Variants in SLC5A11 observed in about 807,000 individuals in gnomAD.
SLC5A11 encodes solute carrier family 5 member 11.
A neutral mutation model predicts 69.8 loss-of-function variants in SLC5A11; 48 were observed. The observed-to-expected ratio is 0.69, with a 90% confidence interval of 0.55 to 0.87. The LOEUF (loss-of-function observed/expected upper bound fraction) is 0.87, where lower values mean the gene tolerates loss of function less well. Among genes scored for constraint, SLC5A11 ranks in the 40% least tolerant of loss-of-function variants. SLC5A11 has a pLI of 0.00. For missense variants in SLC5A11, 784 were observed against 866.1 expected (o/e 0.91, Z 1.19); for synonymous variants, 319 against 342.4 (o/e 0.93, Z 0.75).
intron 1 of SLC5A11, among the ~76,000 whole-genome samples, chr16:24,849,621 T>TATATATCTGC (rs1460290781): frequency 1.6e-5 from 2 of 123,702 alleles, no homozygotes; most frequent in African/African-American, 6.2e-5. Flanking sequence ...TATATATATA[T>TATATATCTGC]ATCCATGAGA....
In SLC5A11 at chr16:24,890,483, CAAAAAAAAAAAAAAAAAA is replaced by C. The variant is rs1171814653; in HGVS notation, c.665-371_665-354del. ...TTGGTGACAGAGCAAGACTTCATAT[CAAAAAAAAAAAAAAAAAA>C]AAAAAAAAAAAAAAGAAGGAAGGAA... On this transcript the variant is annotated intron_variant, in intron 8 of 15. Transcript: ENST00000347898. Among the ~76,000 whole-genome samples, 6 of 77,530 alleles carry C rather than the reference CAAAAAAAAAAAAAAAAAA, an allele frequency of 7.7e-5. No individual in the cohort carries two copies. In the Admixed American group the frequency reaches 8.6e-4, roughly 11 times the overall value. 50.9% of individuals were successfully genotyped at this position (77,530 alleles called of 152,430 possible).
rs2047178587 is a variant in SLC5A11, at chr16:24,870,109, G to A, written c.312+104G>A. On this transcript the variant is annotated intron_variant, in intron 4 of 15. Coordinates refer to ENST00000347898, the Ensembl canonical transcript of SLC5A11. ...CCCTGCACTTTAAAAATAGAATGGT[G>A]GGGCCAGGCGCGGTGGCTCACGCCT... 6.2e-6 allele frequency: 5 copies of A among 810,936 alleles called. No homozygotes were observed. In the Admixed American group the frequency reaches 6.6e-5, roughly 11 times the overall value. 50.2% of individuals were successfully genotyped at this position (810,936 alleles called of 1,614,324 possible).
chr16:24,901,530 G>A (rs1241120456), intron 10 of SLC5A11, among the ~76,000 whole-genome samples: 3 of 151,982 alleles, frequency 2.0e-5, no homozygotes, highest in Non-Finnish European at 2.9e-5. Flanking sequence ...TGGGAGGATC[G>A]CTTGAGCCTG....
Position 24,858,618 on chromosome 16 carries a change from A to AG in SLC5A11, c.-24dup, listed in dbSNP as rs1567574510. On this transcript the variant is annotated splice_acceptor_variant, in intron 1 of 15. Transcript: ENST00000347898. LOFTEE classifies it low-confidence loss of function (5UTR_SPLICE). ...ATTTGACTGGCATTTGCCCTTCCTC[A>AG]GGATCCAGAGGTCTCGTTCAGGACC... 1.9e-6 allele frequency: 3 copies of AG among 1,587,274 alleles called. No homozygotes were observed.
At chr16:24,852,407 T>C (rs899384131) in intron 1 of SLC5A11, among the ~76,000 whole-genome samples, 7 of 152,156 alleles carry the variant, frequency 4.6e-5, no homozygotes, top group Admixed American at 1.3e-4. Flanking sequence ...ATGAGAGAAG[T>C]CCCTGCTCCA....
intron 10 of SLC5A11, among the ~76,000 whole-genome samples, chr16:24,905,047 T>G (rs555356736): frequency 6.6e-6 from 1 of 152,174 alleles, no homozygotes; most frequent in South Asian, 2.1e-4. Context: ...GTGTTTGGTT[T>G]TCTGTTCCTG....
chr16:24,908,368 G>C (rs1279452549), intron 13 of SLC5A11, among the ~76,000 whole-genome samples: 1 of 152,088 alleles, frequency 6.6e-6, no homozygotes, highest in Non-Finnish European at 1.5e-5. Flanking sequence ...GGAGGCCGAG[G>C]TGGGTGGATC....
intron 2 of SLC5A11, among the ~76,000 whole-genome samples, chr16:24,861,303 G>T (rs2059760257): frequency 6.6e-6 from 1 of 151,864 alleles, no homozygotes; most frequent in Non-Finnish European, 1.5e-5. Context: ...AACATAGTAA[G>T]ATACCATCTC....
intron 10 of SLC5A11, among the ~76,000 whole-genome samples, chr16:24,899,663 A>C (rs888847782): frequency 2.0e-5 from 3 of 151,678 alleles, no homozygotes; most frequent in Middle Eastern, 3.2e-3. Context: ...TGGCCTCCCA[A>C]AGTGTTGGGA....
At chr16:24,890,158 G>C (rs564796115) in intron 8 of SLC5A11, among the ~76,000 whole-genome samples, 5 of 152,218 alleles carry the variant, frequency 3.3e-5, no homozygotes, top group African/African-American at 4.8e-5. Flanking sequence ...AAGGAAAAAG[G>C]AGATGGACAA....
chr16:24,857,337 A>G (rs980844908), intron 1 of SLC5A11, among the ~76,000 whole-genome samples: 1 of 152,236 alleles, frequency 6.6e-6, no homozygotes, highest in Non-Finnish European at 1.5e-5. Context: ...CAATGCCCTG[A>G]TCACTTGTGG....
At chr16:24,895,121 C>T (rs1458593640) in intron 9 of SLC5A11, among the ~76,000 whole-genome samples, 1 of 150,776 alleles carries the variant, frequency 6.6e-6, no homozygotes, top group African/African-American at 2.4e-5. Context: ...TGAGATCCTG[C>T]CTCAGAAAAA....
intron 5 of SLC5A11, among the ~76,000 whole-genome samples, chr16:24,873,251 A>AAGGG (rs1430247397): frequency 1.5e-5 from 1 of 66,136 alleles, no homozygotes; most frequent in East Asian, 3.1e-4. Context: ...GGGAGGGAGG[A>AAGGG]AGGAAGGAAG....
At chr16:24,909,829 T>TAAAAAAAAAAA (rs3050359) in intron 14 of SLC5A11, among the ~76,000 whole-genome samples, 1 of 103,906 alleles carries the variant, frequency 9.6e-6, no homozygotes, top group Non-Finnish European at 1.8e-5. Context: ...AGCCTGTCTT[T>TAAAAAAAAAAA]AAAAAAAAAA....
intron 9 of SLC5A11, among the ~76,000 whole-genome samples, chr16:24,892,501 A>G (rs1297650340): frequency 6.6e-6 from 1 of 151,908 alleles, no homozygotes; most frequent in Non-Finnish European, 1.5e-5. Context: ...TATGTCCATA[A>G]ACTCTGGATG....
chr16:24,905,282 A>C (rs919734218), intron 10 of SLC5A11, among the ~76,000 whole-genome samples: 24 of 147,182 alleles, frequency 1.6e-4, no homozygotes, highest in African/African-American at 2.5e-4. Context: ...AAAAAAAAAA[A>C]AAAAAAAAAA....
intron 10 of SLC5A11, among the ~76,000 whole-genome samples, chr16:24,899,214 A>T (rs1034168513): frequency 1.3e-5 from 2 of 152,142 alleles, no homozygotes; most frequent in Admixed American, 1.3e-4. Flanking sequence ...GGCAAGTCCT[A>T]TAGGTATCCC....
At chr16:24,866,863 C>T (rs866843994) in intron 3 of SLC5A11, among the ~76,000 whole-genome samples, 1 of 152,212 alleles carries the variant, frequency 6.6e-6, no homozygotes, top group East Asian at 1.9e-4. Context: ...CACCTAACAA[C>T]AGACTCCCAA....
intron 5 of SLC5A11, among the ~76,000 whole-genome samples, chr16:24,874,592 T>A (rs1213716938): frequency 6.6e-6 from 1 of 152,148 alleles, no homozygotes; most frequent in African/African-American, 2.4e-5. Context: ...AGAGTCTTGC[T>A]CTGTCGCTCA....
Sources: gnomAD v4.1 joint callset for allele counts (sites outside exome capture counted in the v4.1 genomes callset) on GRCh38, gnomAD v4.1.1 for gene constraint, MANE v1.5 for transcripts, NCBI Gene and HGNC (gene_info 2026-07-23, HGNC 2026-07-21) for gene names.